The following UBE2R2 variants were observed in gnomAD, a reference collection of about 807,000 sequenced individuals.
UBE2R2 encodes the protein ubiquitin conjugating enzyme E2 R2, also known as ubiquitin-conjugating enzyme E2 R2.
UBE2R2 carries 1 observed loss-of-function variant against 27.8 expected under a neutral mutation model. That is an observed-to-expected ratio of 0.04 (90% CI 0.01 to 0.17). UBE2R2 has a LOEUF of 0.17. UBE2R2 is among the 10% of genes least tolerant of loss of function. The pLI is 1.00. For missense variants in UBE2R2, 100 were observed against 291.0 expected, an observed-to-expected ratio of 0.34 and a Z score of 4.78; for synonymous variants, 106 against 113.3, an observed-to-expected ratio of 0.94 and a Z score of 0.41.
intron 1 of UBE2R2, among the ~76,000 whole-genome samples, chr9:33,869,443 A>C (rs1263580174): frequency 6.6e-6 from 1 of 151,108 alleles, no homozygotes; most frequent in Non-Finnish European, 1.5e-5. Context: ...TTATTTATTT[A>C]TTTATTTATT....
rs554318718 is a variant in UBE2R2 at position 33,880,887 on chromosome 9, G to A, written c.178-5994G>A. Among the ~76,000 whole-genome samples, 51 of 152,180 alleles carry A rather than the reference G, an allele frequency of 3.4e-4. 1 individual carries two copies. In the South Asian group the frequency reaches 9.6e-3, roughly 29 times the overall value. ...ACTTGAGGTGGAACAGTTTCATCCC[G>A]AAACACCCACCTCACTACCCTTCCC... On this transcript the variant is annotated intron_variant, in intron 1 of 4. Transcript: ENST00000263228.
intron 2 of UBE2R2, among the ~76,000 whole-genome samples, chr9:33,899,933 G>C (rs1377683887): frequency 1.3e-5 from 2 of 152,114 alleles, no homozygotes; most frequent in Non-Finnish European, 2.9e-5. Context: ...TGTTTCATCA[G>C]GATTGTTCTA....
intron 1 of UBE2R2, among the ~76,000 whole-genome samples, chr9:33,870,471 GAGAAT>G (rs1821463595): frequency 6.6e-6 from 1 of 152,144 alleles, no homozygotes; most frequent in African/African-American, 2.4e-5. Context: ...TATGTTTGGG[GAGAAT>G]AGGAAACCAA....
At chr9:33,889,073 T>C (rs1358694483) in intron 2 of UBE2R2, among the ~76,000 whole-genome samples, 1 of 152,254 alleles carries the variant, frequency 6.6e-6, no homozygotes, top group Non-Finnish European at 1.5e-5. Context: ...GTGACTACAC[T>C]GTTCTGTGTA....
At chr9:33,912,338 G>T (rs1822511914) in intron 4 of UBE2R2, among the ~76,000 whole-genome samples, 1 of 152,020 alleles carries the variant, frequency 6.6e-6, no homozygotes, top group South Asian at 2.1e-4. Flanking sequence ...GAACTTCTAG[G>T]TTCTGGCCAG....
chr9:33,880,937 A>G (rs574581818), intron 1 of UBE2R2, among the ~76,000 whole-genome samples: 2 of 152,286 alleles, frequency 1.3e-5, no homozygotes, highest in African/African-American at 4.8e-5. Context: ...TTGTCCATGG[A>G]AAAATTGTCT....
intron 1 of UBE2R2, among the ~76,000 whole-genome samples, chr9:33,849,925 C>CT (rs1820928341): frequency 6.6e-6 from 1 of 152,082 alleles, no homozygotes. Flanking sequence ...GTATAGGAAA[C>CT]TAAGGTTCAC....
chr9:33,852,434 A>T (rs963241647), intron 1 of UBE2R2, among the ~76,000 whole-genome samples: 3 of 152,214 alleles, frequency 2.0e-5, no homozygotes, highest in Non-Finnish European at 4.4e-5. Flanking sequence ...ACAGTTGTCC[A>T]CTTGAGTATA....
chr9:33,817,569 G>A lies in UBE2R2; in HGVS notation c.-189G>A. The A allele has an allele frequency of 2.2e-6, 1 of 459,254 alleles. No homozygotes were observed. The highest frequency in any genetic ancestry group is 3.0e-6 in the Non-Finnish European group (1 of 331,714). 28.4% of individuals were successfully genotyped at this position (459,254 alleles called of 1,614,324 possible). On this transcript the variant is annotated 5_prime_UTR_variant, in exon 1 of 5. It adds an upstream start codon to the 5' untranslated region. Transcript: ENST00000263228. ...AGAAGGGCCCGGCCCGGCCTGCGTC[G>A]TGTGTGAGGAGGACCCCGGGCGGGC... is the stretch of plus-strand genomic sequence containing the variant.
At chr9:33,869,434 TA>T in intron 1 of UBE2R2, among the ~76,000 whole-genome samples, 1 of 149,316 alleles carries the variant, frequency 6.7e-6, no homozygotes, top group Middle Eastern at 3.4e-3. Context: ...TTTATTTATT[TA>T]TTTATTTATT....
rs757060738 is a variant in UBE2R2 at position 33,817,781 on chromosome 9, C to T, written c.24C>T (p.Ser8=). 3 of 1,599,952 alleles carry T rather than the reference C, an allele frequency of 1.9e-6. No homozygotes were observed. The highest frequency in any genetic ancestry group is 1.7e-6 in the Non-Finnish European group (2 of 1,173,854). The change falls in exon 1 of 5, where the codon AGC becomes AGT. Residue 8 remains serine (S), a synonymous_variant. Transcript: ENST00000263228. MAQQQMT[S]SQKALMLELK... Reference sequence around the variant, plus strand: ...CGATGGCCCAGCAGCAGATGACCAGCTCGCAGAAGGCCCTGATGCTCGAGC... The same window carrying T: ...CGATGGCCCAGCAGCAGATGACCAGTTCGCAGAAGGCCCTGATGCTCGAGC...
At chr9:33,832,806 G>A (rs1287865519) in intron 1 of UBE2R2, among the ~76,000 whole-genome samples, 1 of 151,672 alleles carries the variant, frequency 6.6e-6, no homozygotes, top group Non-Finnish European at 1.5e-5. Context: ...GGTTTATGGA[G>A]GTATAATTTA....
At chr9:33,888,252 T>A (rs983851490) in intron 2 of UBE2R2, among the ~76,000 whole-genome samples, 1 of 152,182 alleles carries the variant, frequency 6.6e-6, no homozygotes, top group African/African-American at 2.4e-5. Flanking sequence ...TGTTGCTGAG[T>A]CCAGCTATGT....
intron 2 of UBE2R2, among the ~76,000 whole-genome samples, chr9:33,889,543 G>C (rs1350737110): frequency 6.6e-6 from 1 of 151,662 alleles, no homozygotes; most frequent in Non-Finnish European, 1.5e-5. Context: ...TCCCATTCAT[G>C]GGTGACACCA....
At chr9:33,827,283 C>T (rs1820335230) in intron 1 of UBE2R2, among the ~76,000 whole-genome samples, 2 of 152,264 alleles carry the variant, frequency 1.3e-5, no homozygotes, top group South Asian at 4.1e-4. Flanking sequence ...GAGCCATGAG[C>T]ATGCCATTGT....
At chr9:33,822,986 C>A (rs988133975) in intron 1 of UBE2R2, among the ~76,000 whole-genome samples, 2 of 149,948 alleles carry the variant, frequency 1.3e-5, no homozygotes, top group African/African-American at 4.9e-5. Context: ...CTCACTGCAA[C>A]CTTTACCTCC....
At chr9:33,827,378 C>G (rs574403869) in intron 1 of UBE2R2, among the ~76,000 whole-genome samples, 1 of 152,102 alleles carries the variant, frequency 6.6e-6, no homozygotes, top group Admixed American at 6.6e-5. Flanking sequence ...CCGTGGCTCA[C>G]GCCTGTAATC....
At chr9:33,874,029 C>T (rs1005906450) in intron 1 of UBE2R2, among the ~76,000 whole-genome samples, 15 of 151,036 alleles carry the variant, frequency 9.9e-5, no homozygotes, top group African/African-American at 3.7e-4. Flanking sequence ...CTCACTGTAA[C>T]CTCTGCTTCC....
At chr9:33,873,950 A>ATTTT in intron 1 of UBE2R2, among the ~76,000 whole-genome samples, 1 of 143,986 alleles carries the variant, frequency 6.9e-6, no homozygotes. Context: ...CCTGGCCTAA[A>ATTTT]TTTTTTTTTT....
Sources: allele counts gnomAD v4.1 joint callset (sites outside exome capture counted in the v4.1 genomes callset), GRCh38; gene constraint gnomAD v4.1.1; transcripts MANE v1.5; gene names NCBI Gene and HGNC (gene_info 2026-07-23, HGNC 2026-07-21).